CADM2: variants seen among roughly 807,000 people sequenced by gnomAD.
The protein encoded by CADM2 is cell adhesion molecule 2.
CADM2 carries 12 observed loss-of-function variants against 49.8 expected under a neutral mutation model. The ratio of observed to expected loss-of-function variants is 0.24; its 90% CI spans 0.15 to 0.39. The LOEUF is 0.39. CADM2 is among the 10% of genes least tolerant of loss of function. The pLI, the probability that CADM2 is intolerant of heterozygous loss-of-function variation, is 1.00. For synonymous variants in CADM2, 214 were observed against 175.4 expected, an observed-to-expected ratio of 1.22 and a Z score of -1.74; for missense variants, 378 against 492.3, an observed-to-expected ratio of 0.77 and a Z score of 2.20.
chr3:85,136,658 C>G (rs1319459343), intron 1 of CADM2, among the ~76,000 whole-genome samples: 1 of 151,844 alleles, frequency 6.6e-6, no homozygotes, highest in Non-Finnish European at 1.5e-5. Context: ...AATCTAACTG[C>G]AAGTTAAAAC....
intron 5 of CADM2, among the ~76,000 whole-genome samples, chr3:85,909,278 A>T (rs1294993367): frequency 6.6e-6 from 1 of 152,054 alleles, no homozygotes; most frequent in Non-Finnish European, 1.5e-5. Flanking sequence ...GGTTATGTGG[A>T]TTATGAAAGA....
chr3:85,313,237 T>A (rs983436181), intron 1 of CADM2, among the ~76,000 whole-genome samples: 1 of 152,222 alleles, frequency 6.6e-6, no homozygotes, highest in African/African-American at 2.4e-5. Context: ...ACGCAATGGT[T>A]ACTACCTGTC....
At chr3:85,511,790 T>C (rs1380345428) in intron 1 of CADM2, 9 of 654,484 alleles carry the variant, frequency 1.4e-5, no homozygotes, top group Non-Finnish European at 1.7e-5. Context: ...TCTCATTTTG[T>C]CCACTGCAAA....
intron 1 of CADM2, among the ~76,000 whole-genome samples, chr3:85,622,629 C>G (rs1032539185): frequency 6.6e-6 from 1 of 152,100 alleles, no homozygotes; most frequent in Non-Finnish European, 1.5e-5. Flanking sequence ...ATCTTTTCCC[C>G]TTTAACAACT....
rs527286826 is a variant in CADM2 at position 85,377,404 on chromosome 3, T to C, written c.62-349118T>C. Among the ~76,000 whole-genome samples, 19 of 152,192 alleles carry C rather than the reference T, an allele frequency of 1.2e-4. No homozygotes were observed. In the South Asian group the frequency reaches 3.9e-3, roughly 32 times the overall value. ...CTTTCACCTTGCCAACGGAAGTTGATGAGCTTTCTGATTTAAATTCATAGG... is the reference window on the plus strand; with the variant it reads ...CTTTCACCTTGCCAACGGAAGTTGACGAGCTTTCTGATTTAAATTCATAGG... On this transcript the variant is annotated intron_variant, in intron 1 of 9. Coordinates refer to ENST00000383699, the MANE Select transcript of CADM2 (RefSeq NM_001167675.2).
At chr3:85,146,060 C>T (rs1045794486) in intron 1 of CADM2, among the ~76,000 whole-genome samples, 1 of 152,126 alleles carries the variant, frequency 6.6e-6, no homozygotes, top group African/African-American at 2.4e-5. Context: ...TTTAACCACT[C>T]TGTGCCTTGG....
intron 8 of CADM2, chr3:86,013,120 G>T: frequency 7.4e-7 from 1 of 1,351,710 alleles, no homozygotes; most frequent in South Asian, 1.2e-5. Flanking sequence ...ACAGTCATTT[G>T]AACAAACCAC....
intron 8 of CADM2, among the ~76,000 whole-genome samples, chr3:86,058,273 A>G (rs916335562): frequency 5.3e-5 from 8 of 152,194 alleles, no homozygotes; most frequent in African/African-American, 1.9e-4. Context: ...TGAGTCTTTT[A>G]AAAGGCTGAA....
At chr3:85,320,102 G>A (rs2044562700) in intron 1 of CADM2, among the ~76,000 whole-genome samples, 2 of 152,056 alleles carry the variant, frequency 1.3e-5, no homozygotes, top group African/African-American at 4.8e-5. Context: ...GGCCCCCAGG[G>A]GAACATTTGG....
rs554210489 is a variant in CADM2 at position 85,425,778 on chromosome 3, T to A, written c.62-300744T>A. Among the ~76,000 whole-genome samples, 10 of 152,194 alleles carry A rather than the reference T, an allele frequency of 6.6e-5. No homozygotes were observed. In the South Asian group the frequency reaches 2.1e-3, roughly 32 times the overall value. ...AAAAAGACAGTTTGAGAGATAAAGG[T>A]GGGACACCAGGGGGCCATCGCCATT... On this transcript the variant is annotated intron_variant, in intron 1 of 9. Transcript: ENST00000383699.
intron 1 of CADM2, among the ~76,000 whole-genome samples, chr3:85,553,053 T>A (rs1456645445): frequency 6.6e-6 from 1 of 152,162 alleles, no homozygotes; most frequent in Non-Finnish European, 1.5e-5. Flanking sequence ...TTTTTTAAAA[T>A]TTAATTTATT....
At chr3:85,367,230 A>T (rs959025622) in intron 1 of CADM2, among the ~76,000 whole-genome samples, 2 of 152,024 alleles carry the variant, frequency 1.3e-5, no homozygotes, top group African/African-American at 4.8e-5. Context: ...CTAAGTCAAC[A>T]TTTATTTATT....
At chr3:85,570,721 A>G (rs2062450912) in intron 1 of CADM2, among the ~76,000 whole-genome samples, 1 of 152,216 alleles carries the variant, frequency 6.6e-6, no homozygotes, top group Admixed American at 6.5e-5. Flanking sequence ...GGAAAAATAT[A>G]GAATTCCAGA....
In CADM2 at chr3:85,370,576, A is replaced by G. The variant is rs73134731; in HGVS notation, c.62-355946A>G. Among the ~76,000 whole-genome samples the G allele has an allele frequency of 6.0e-3, 913 of 152,318 alleles. 4 individuals are homozygous for G. Among genetic ancestry groups the G allele is most frequent in the Non-Finnish European group, 8.6e-3 (586 of 68,020 alleles). ...AAACAAACCTACTGTGTCTGCAGTT[A>G]TATAAAGTATGGCATATACAATTAT... is the stretch of plus-strand genomic sequence containing the variant. On this transcript the variant is annotated intron_variant, in intron 1 of 9. Transcript: ENST00000383699.
At chr3:85,394,055 A>G (rs551828741) in intron 1 of CADM2, among the ~76,000 whole-genome samples, 24 of 152,214 alleles carry the variant, frequency 1.6e-4, no homozygotes, top group African/African-American at 5.8e-4. Flanking sequence ...TCGGCCTCCC[A>G]AAGTGCTGGG....
intron 6 of CADM2, among the ~76,000 whole-genome samples, chr3:85,920,599 A>G (rs1311111932): frequency 6.6e-6 from 1 of 151,802 alleles, no homozygotes; most frequent in Admixed American, 6.6e-5. Context: ...ATTTATGTAT[A>G]TTACCAGCAG....
intron 1 of CADM2, among the ~76,000 whole-genome samples, chr3:85,330,001 C>A (rs907352980): frequency 1.3e-5 from 2 of 152,220 alleles, no homozygotes; most frequent in Admixed American, 6.5e-5. Flanking sequence ...GGAGATAACT[C>A]ATTTCTCAAT....
intron 8 of CADM2, among the ~76,000 whole-genome samples, chr3:85,995,089 C>T (rs1397630669): frequency 7.0e-6 from 1 of 143,054 alleles, no homozygotes; most frequent in Non-Finnish European, 1.5e-5. Flanking sequence ...ATATAGGCTA[C>T]ACAAACAGAC....
intron 1 of CADM2, among the ~76,000 whole-genome samples, chr3:85,222,024 C>G (rs1295122679): frequency 6.6e-6 from 1 of 152,044 alleles, no homozygotes; most frequent in African/African-American, 2.4e-5. Flanking sequence ...ATTTAGAAGA[C>G]AAAATTATTA....
Sources: allele counts gnomAD v4.1 joint callset (sites outside exome capture counted in the v4.1 genomes callset), GRCh38; gene constraint gnomAD v4.1.1; transcripts MANE v1.5; gene names NCBI Gene and HGNC (gene_info 2026-07-23, HGNC 2026-07-21).